THBS2: variants seen among roughly 807,000 people sequenced by gnomAD.
THBS2 encodes the protein thrombospondin-2.
In THBS2, 47 loss-of-function variants were observed where a neutral mutation model predicts 135.2. The observed-to-expected ratio is 0.35, with a 90% CI of 0.28 to 0.44. The LOEUF is 0.44. THBS2 is among the 20% of genes least tolerant of loss of function. The pLI, the probability that THBS2 is intolerant of heterozygous loss-of-function variation, is 1.00. For synonymous variants in THBS2, 639 were observed against 633.8 expected (o/e 1.01, Z -0.12); for missense variants, 1,288 against 1,603.1 (o/e 0.80, Z 3.36).
chr6:169,232,949 A>C lies in THBS2; in HGVS notation c.1720T>G (p.Cys574Gly). 6.4e-7 allele frequency: 1 copy of C among 1,567,810 alleles called. No homozygotes were observed. Among genetic ancestry groups the C allele is most frequent in the Non-Finnish European group, 8.6e-7 (1 of 1,157,306 alleles). The change falls in exon 11 of 22, where the codon TGC becomes GGC. Residue 574 changes from cysteine to glycine, a missense_variant. Around this residue, in one of 2 missense-constraint regions of THBS2, gnomAD observed 874 missense variants for 1,156.1 expected, o/e 0.76. Transcript: ENST00000617924. ...AAGAAGCCCACAGGGCAGGAGCCGCATGACCAGGACCCATCGGGGAAGCTG... is the reference window on the plus strand; with the variant it reads ...AAGAAGCCCACAGGGCAGGAGCCGCCTGACCAGGACCCATCGGGGAAGCTG... Reference protein sequence around the residue: ...CSSFPDGSWSCGSCPVGFLGN... With the variant: ...CSSFPDGSWSGGSCPVGFLGN...
In THBS2 at chr6:169,241,427, A is replaced by ATGTGTG. The variant is rs1222960538; in HGVS notation, c.891+329_891+334dup. Among the ~76,000 whole-genome samples the ATGTGTG allele has an allele frequency of 3.9e-5, 3 of 75,958 alleles. No homozygotes were observed. The allele number at this position is 75,958 out of a possible 152,430, so 49.8% of individuals were successfully genotyped here. A position where few individuals can be genotyped will look rare whatever the true frequency, so the allele number is the denominator to read the frequency against. On this transcript the variant is annotated intron_variant, in intron 5 of 21. Transcript: ENST00000617924. The surrounding 1 kb of genome is among the most constrained non-coding windows in gnomAD (Gnocchi z 5.5). ...TGTGTGTGTGTGTGTATGTGTGTGT[A>ATGTGTG]TGTGTGTGTGTATGTGTGTGTGTGT...
At chr6:169,235,230 C>T (rs561815698) in intron 9 of THBS2, among the ~76,000 whole-genome samples, 118 of 151,898 alleles carry the variant, frequency 7.8e-4, no homozygotes, top group Non-Finnish European at 1.5e-3. Flanking sequence ...CTATGTTGCC[C>T]AGGCTGCTCT....
In THBS2 at chr6:169,232,758, G is replaced by A. The variant is rs1449131867; in HGVS notation, c.1838C>T (p.Thr613Ile). ...STSKVPRCVNTQPGFHCLPCP... is the reference protein window; with the variant it reads ...STSKVPRCVNIQPGFHCLPCP... ...GGGCAGGCAGTGGAAGCCAGGCTGA[G>A]TGTTGACACAGCGAGGCACCTTGCT... Residue 613 changes from threonine to isoleucine, a missense_variant, in exon 12 of 22, where the codon ACT becomes ATT. Physicochemically the swap from Thr to Ile is moderately conservative, Grantham distance 89. This residue lies in a region of THBS2 where 874 missense variants were observed against 1,156.1 expected (regional missense o/e 0.76). Coordinates refer to ENST00000617924, the MANE Select transcript of THBS2 (RefSeq NM_003247.5). 1.9e-6 allele frequency: 3 copies of A among 1,614,046 alleles called. No homozygotes were observed. Among genetic ancestry groups the A allele is most frequent in the Admixed American group, 3.3e-5 (2 of 60,018 alleles).
chr6:169,223,327 T>C lies in THBS2; in HGVS notation c.2922A>G (p.Gln974=), dbSNP rs1432861626. Residue 974 remains glutamine (Q), a synonymous_variant, in exon 18 of 22, where the codon CAA becomes CAG. Coordinates refer to ENST00000617924, the MANE Select transcript of THBS2 (RefSeq NM_003247.5). ...MVPLDPKGTT[Q]IDPNWVIRHQ... ...GGCGAATGACCCAGTTGGGATCAAT[T>C]TGGGTGGTCCCTTTGGGATCCAAGG... The C allele has an allele frequency of 1.2e-6, 2 of 1,614,188 alleles. No individual in the cohort carries two copies. Among genetic ancestry groups the C allele is most frequent in the Admixed American group, 1.7e-5 (1 of 60,028 alleles).
rs567712791 is a variant in THBS2, at chr6:169,250,866, C to A, written c.-22-60G>T. The A allele has an allele frequency of 1.6e-5, 19 of 1,203,118 alleles. 1 individual carries two copies. The highest frequency in any genetic ancestry group is 2.0e-5 in the Non-Finnish European group (17 of 846,858). 74.5% of individuals were successfully genotyped at this position (1,203,118 alleles called of 1,614,324 possible). A position where few individuals can be genotyped will look rare whatever the true frequency, so the allele number is the denominator to read the frequency against. On this transcript the variant is annotated intron_variant, in intron 1 of 21. Coordinates refer to ENST00000617924, the MANE Select transcript of THBS2 (RefSeq NM_003247.5). ...CCACAGCTGCAACCCTGCCTGTGAG[C>A]GAGACTGGCCCAGTGACTCACATGA...
Position 169,217,501 on chromosome 6 carries a change from T to C in THBS2, c.*321A>G. The stretch of plus-strand genomic sequence containing the variant: ...ATAAATACAATAAGTAATTACATTT[T>C]ATATGTAAACGTCATTCTTTTTAAA... On this transcript the variant is annotated 3_prime_UTR_variant, in exon 22 of 22. Coordinates refer to ENST00000617924, the MANE Select transcript of THBS2 (RefSeq NM_003247.5). The C allele has an allele frequency of 2.7e-6, 1 of 367,710 alleles. No homozygotes were observed. Among genetic ancestry groups the C allele is most frequent in the Non-Finnish European group, 4.9e-6 (1 of 205,252 alleles). 22.8% of individuals were successfully genotyped at this position (367,710 alleles called of 1,614,324 possible).
In THBS2 at chr6:169,244,158, C is replaced by A. The variant is rs552274204; in HGVS notation, c.694+2039G>T. 1.3e-3 allele frequency among the ~76,000 whole-genome samples: 166 copies of A among 127,802 alleles called. 2 individuals carry two copies. Among genetic ancestry groups the A allele is most frequent in the African/African-American group, 4.6e-3 (146 of 31,674 alleles). The allele number at this position is 127,802 out of a possible 152,430, so 83.8% of individuals were successfully genotyped here. A position where few individuals can be genotyped will look rare whatever the true frequency, so the allele number is the denominator to read the frequency against. On this transcript the variant is annotated intron_variant, in intron 4 of 21. Transcript: ENST00000617924. The stretch of plus-strand genomic sequence containing the variant: ...ATCTGGAGATAACAGATCTAGATTT[C>A]TCTGTGTTTTTTTTTTTTTTTTTTT...
chr6:169,236,102 C>T (rs1481675227), intron 9 of THBS2, among the ~76,000 whole-genome samples: 7 of 127,946 alleles, frequency 5.5e-5, no homozygotes, highest in Admixed American at 3.8e-4. Flanking sequence ...TCCACACTCA[C>T]TCCCCATCCA....
At chr6:169,239,716 G>T in intron 6 of THBS2, 21 bp from the exon 7 acceptor site, 2 of 1,556,132 alleles carry the variant, frequency 1.3e-6, no homozygotes, top group Non-Finnish European at 1.7e-6. Context: ...AGAAAGGCAT[G>T]CATGGAACAC....
intron 17 of THBS2, 105 bp from the exon 18 acceptor site, chr6:169,223,580 C>A: frequency 1.1e-6 from 1 of 890,300 alleles, no homozygotes; most frequent in Non-Finnish European, 1.8e-6. Context: ...ATGAGTGCAT[C>A]TTTCCCAGAA....
intron 12 of THBS2, 102 bp from the exon 13 acceptor site, chr6:169,232,300 C>A: frequency 7.9e-7 from 1 of 1,271,350 alleles, no homozygotes; most frequent in Non-Finnish European, 1.1e-6. Flanking sequence ...GGTCCGGTCC[C>A]AAGCGGACCC....
Position 169,220,231 on chromosome 6 carries a change from C to T in THBS2, c.3478G>A (p.Val1160Ile). Residue 1160 changes from valine (V) to isoleucine (I), a missense_variant, in exon 21 of 22, where the codon GTC (valine) becomes ATC (isoleucine). By Grantham distance (29) the Val-to-Ile change is conservative. This residue lies in a region of THBS2 where 874 missense variants were observed against 1,156.1 expected (regional missense o/e 0.76). Coordinates refer to ENST00000617924, the MANE Select transcript of THBS2 (RefSeq NM_003247.5). ...LGLFVFSQEM[V>I]YFSDLKYECR... ...TCGTACTTGAGGTCTGAGAAATAGA[C>T]CATTTCTTGAGAGAAGACAAATAGA... 1.9e-6 allele frequency: 3 copies of T among 1,613,910 alleles called. No individual in the cohort carries two copies. Among genetic ancestry groups the T allele is most frequent in the Non-Finnish European group, 2.5e-6 (3 of 1,179,922 alleles).
chr6:169,239,340 T>C lies in THBS2; in HGVS notation c.1129+259A>G, dbSNP rs962133913. ...GCTCTGGGCTCACCTGCGTGACCAC[T>C]GGGCTCAGCTTCCTCGTCTGAGAAG... On this transcript the variant is annotated intron_variant, in intron 7 of 21. Coordinates refer to ENST00000617924, the MANE Select transcript of THBS2 (RefSeq NM_003247.5). 4 of 523,994 alleles carry C rather than the reference T, an allele frequency of 7.6e-6. No individual in the cohort carries two copies. In the African/African-American group the frequency reaches 7.7e-5, roughly 10 times the overall value. 32.5% of individuals were successfully genotyped at this position (523,994 alleles called of 1,614,324 possible).
rs1289777741 is a variant in THBS2 at position 169,222,310 on chromosome 6, G to A, written c.3160C>T (p.Pro1054Ser). The part of the protein sequence containing the change: ...QVTQTYWEDQ[P>S]TRAYGYSGVS... ...CCGGAGTAGCCATAGGCCCGCGTGG[G>A]CTGGTCCTCCCAGTAGGTCTGCGTC... The change falls in exon 19 of 22, where the codon CCC becomes TCC. Residue 1054 changes from proline to serine, a missense_variant. This residue lies in a region of THBS2 where 874 missense variants were observed against 1,156.1 expected (regional missense o/e 0.76). Transcript: ENST00000617924. 1 of 1,613,544 alleles carries A rather than the reference G, an allele frequency of 6.2e-7. No individual in the cohort carries two copies. Among genetic ancestry groups the A allele is most frequent in the South Asian group, 1.1e-5 (1 of 91,092 alleles).
chr6:169,241,659 A>G lies in THBS2; in HGVS notation c.891+103T>C. 1.6e-6 allele frequency: 2 copies of G among 1,227,450 alleles called. No homozygotes were observed. Among genetic ancestry groups the G allele is most frequent in the African/African-American group, 3.0e-5 (2 of 66,918 alleles). 76.0% of individuals were successfully genotyped at this position (1,227,450 alleles called of 1,614,324 possible). ...TGAACTGTGGGTTTTTACATCGAGCATGAGGCACTGCCAAGCCAGGGAATG... is the reference window on the plus strand; with the variant it reads ...TGAACTGTGGGTTTTTACATCGAGCGTGAGGCACTGCCAAGCCAGGGAATG... On this transcript the variant is annotated intron_variant, in intron 5 of 21. Transcript: ENST00000617924. The surrounding 1 kb of genome is among the most constrained non-coding windows in gnomAD (Gnocchi z 5.5).
chr6:169,242,987 A>C, intron 4 of THBS2, among the ~76,000 whole-genome samples: 1 of 33,588 alleles, frequency 3.0e-5, no homozygotes, highest in Non-Finnish European at 5.7e-5. Context: ...CCACCTTCCC[A>C]CATTCGCACC....
intron 8 of THBS2, 136 bp downstream of exon 8, chr6:169,237,489 G>A: frequency 6.7e-7 from 1 of 1,495,080 alleles, no homozygotes. Flanking sequence ...GGGAGAAAGA[G>A]CCTCACCTGG....
chr6:169,245,062 CAT>C (rs2115027590), intron 4 of THBS2, among the ~76,000 whole-genome samples: 1 of 152,356 alleles, frequency 6.6e-6, no homozygotes, highest in African/African-American at 2.4e-5. Context: ...AGATTCATGA[CAT>C]AACAGTTTAC....
At chr6:169,245,636 C>CA (rs1322814172) in intron 4 of THBS2, among the ~76,000 whole-genome samples, 2 of 151,768 alleles carry the variant, frequency 1.3e-5, no homozygotes, top group East Asian at 1.9e-4. Flanking sequence ...ACTAAAAATA[C>CA]AAAAAATTAG....
Sources: gnomAD v4.1 joint callset for allele counts (sites outside exome capture counted in the v4.1 genomes callset) on GRCh38, gnomAD v4.1.1 for gene constraint, gnomAD v4.1.1 regional missense constraint, Gnocchi (gnomAD v3.1) non-coding constraint, MANE v1.5 for transcripts, NCBI Gene and HGNC (gene_info 2026-07-23, HGNC 2026-07-21) for gene names.